Variants in TMEM132D observed in about 807,000 individuals in gnomAD.
TMEM132D encodes the protein transmembrane protein 132D.
TMEM132D carries 21 observed loss-of-function variants against 62.3 expected under a neutral mutation model. That is an observed-to-expected ratio of 0.34 (90% CI 0.24 to 0.49). TMEM132D has a LOEUF of 0.49. Among genes scored for constraint, TMEM132D ranks in the 20% least tolerant of loss-of-function variants. The pLI is 0.99. For synonymous variants in TMEM132D, 621 were observed against 575.6 expected (o/e 1.08, Z -1.13); for missense variants, 1,346 against 1,402.8 (o/e 0.96, Z 0.65).
intron 5 of TMEM132D, among the ~76,000 whole-genome samples, chr12:129,164,962 C>T (rs2135543121): frequency 6.6e-6 from 1 of 152,298 alleles, no homozygotes. Context: ...CAGCTTCAGT[C>T]ATACGAGCTA....
chr12:129,415,691 T>C (rs1352044535), intron 3 of TMEM132D, among the ~76,000 whole-genome samples: 3 of 152,162 alleles, frequency 2.0e-5, no homozygotes, highest in Non-Finnish European at 4.4e-5. Context: ...ACACCTCCTC[T>C]GCAATGATGT....
At chr12:129,544,711 A>G (rs535239652) in intron 2 of TMEM132D, among the ~76,000 whole-genome samples, 1 of 152,256 alleles carries the variant, frequency 6.6e-6, no homozygotes, top group Non-Finnish European at 1.5e-5. Flanking sequence ...GAAAGAAAAG[A>G]AATGAAAAGA....
At chr12:129,589,442 T>C (rs2137133473) in intron 2 of TMEM132D, among the ~76,000 whole-genome samples, 1 of 152,240 alleles carries the variant, frequency 6.6e-6, no homozygotes, top group Middle Eastern at 3.4e-3. Context: ...AACAGACTAA[T>C]ACATGGGGGA....
chr12:129,870,248 G>T (rs1038030686), intron 1 of TMEM132D, among the ~76,000 whole-genome samples: 4 of 152,176 alleles, frequency 2.6e-5, no homozygotes, highest in Non-Finnish European at 5.9e-5. Flanking sequence ...CTCTCAAGGT[G>T]CTGAGATTAC....
intron 1 of TMEM132D, among the ~76,000 whole-genome samples, chr12:129,749,646 G>T (rs1040395016): frequency 6.6e-6 from 1 of 150,836 alleles, no homozygotes; most frequent in South Asian, 2.1e-4. Flanking sequence ...TGTACTTTTA[G>T]TAGAGATGGT....
intron 3 of TMEM132D, among the ~76,000 whole-genome samples, chr12:129,520,011 T>C (rs1367412804): frequency 2.0e-5 from 3 of 152,178 alleles, no homozygotes; most frequent in South Asian, 2.1e-4. Context: ...AGGAATATGA[T>C]GTATGTGCAC....
intron 1 of TMEM132D, among the ~76,000 whole-genome samples, chr12:129,828,483 C>T (rs1173363067): frequency 1.3e-5 from 2 of 151,518 alleles, no homozygotes; most frequent in African/African-American, 4.9e-5. Flanking sequence ...TCACAGCAGT[C>T]TTCCTTCCCC....
intron 3 of TMEM132D, among the ~76,000 whole-genome samples, chr12:129,413,287 G>A (rs1054351871): frequency 6.6e-6 from 1 of 152,092 alleles, no homozygotes; most frequent in African/African-American, 2.4e-5. Flanking sequence ...CACAAGATCT[G>A]ATAGTTTTAT....
chr12:129,819,966 A>G (rs992924332), intron 1 of TMEM132D, among the ~76,000 whole-genome samples: 1 of 152,026 alleles, frequency 6.6e-6, no homozygotes, highest in Non-Finnish European at 1.5e-5. Context: ...CGTGGACATG[A>G]CTGCTCTCAA....
At chr12:129,622,281 T>C (rs1387296833) in intron 2 of TMEM132D, among the ~76,000 whole-genome samples, 1 of 152,206 alleles carries the variant, frequency 6.6e-6, no homozygotes, top group Non-Finnish European at 1.5e-5. Flanking sequence ...AGCTTCGGTG[T>C]GGGCGATGAC....
At chr12:129,137,139 CTATCATTGTCA>C (rs1317193955) in intron 5 of TMEM132D, among the ~76,000 whole-genome samples, 1,662 of 33,500 alleles carry the variant, frequency 0.05, 30 homozygotes, top group African/African-American at 0.085. Flanking sequence ...ATCACCATCA[CTATCATTGTCA>C]TCACTATCAC....
chr12:129,554,786 C>T (rs1377130044), intron 2 of TMEM132D, among the ~76,000 whole-genome samples: 1 of 152,130 alleles, frequency 6.6e-6, no homozygotes, highest in African/African-American at 2.4e-5. Context: ...TTAGGAGCAC[C>T]AGGTGGGTCA....
intron 2 of TMEM132D, among the ~76,000 whole-genome samples, chr12:129,635,584 A>C (rs2137170427): frequency 6.6e-6 from 1 of 152,342 alleles, no homozygotes; most frequent in East Asian, 1.9e-4. Flanking sequence ...GCTAACACTG[A>C]AACCAGCGCT....
chr12:129,143,032 C>G (rs1011103544), intron 5 of TMEM132D, among the ~76,000 whole-genome samples: 1 of 152,046 alleles, frequency 6.6e-6, no homozygotes, highest in Non-Finnish European at 1.5e-5. Flanking sequence ...ACCCCCCAAG[C>G]AGCAGACACC....
chr12:129,187,585 T>C (rs1402157266), intron 5 of TMEM132D, among the ~76,000 whole-genome samples: 1 of 132,372 alleles, frequency 7.6e-6, no homozygotes, highest in Non-Finnish European at 1.7e-5. Context: ...TGTTTTCAAA[T>C]TGTAATGGAC....
At chr12:129,448,606 T>A (rs1460588979) in intron 3 of TMEM132D, among the ~76,000 whole-genome samples, 1 of 152,230 alleles carries the variant, frequency 6.6e-6, no homozygotes, top group Non-Finnish European at 1.5e-5. Context: ...ACATGCCACA[T>A]TTTCTTTATC....
At chr12:129,441,025 C>T (rs937610515) in intron 3 of TMEM132D, among the ~76,000 whole-genome samples, 1 of 152,194 alleles carries the variant, frequency 6.6e-6, no homozygotes, top group African/African-American at 2.4e-5. Context: ...TGCTTTGATG[C>T]ATTGGGTGAC....
At position 129,071,790 on chromosome 12, in the gene TMEM132D, A is replaced by T. The variant is rs1874073879; in HGVS notation, c.*2085T>A. 6.6e-6 allele frequency: 1 copy of T among 152,246 alleles called. No homozygotes were observed. Among genetic ancestry groups the T allele is most frequent in the African/African-American group, 2.4e-5 (1 of 41,464 alleles). 9.4% of individuals were successfully genotyped at this position (152,246 alleles called of 1,614,324 possible). ...TATAAATATATATTACATTCTTACAATCTACAGTACATTCTACACGCAGAT... is the reference window on the plus strand; with the variant it reads ...TATAAATATATATTACATTCTTACATTCTACAGTACATTCTACACGCAGAT... On this transcript the variant is annotated 3_prime_UTR_variant, in exon 9 of 9. Transcript: ENST00000422113.
chr12:129,739,014 G>C (rs1291418763), intron 1 of TMEM132D, among the ~76,000 whole-genome samples: 1 of 152,188 alleles, frequency 6.6e-6, no homozygotes, highest in South Asian at 2.1e-4. Flanking sequence ...CATGGGGCCA[G>C]AGACTGTTCC....
Sources: allele counts gnomAD v4.1 joint callset (sites outside exome capture counted in the v4.1 genomes callset), GRCh38; gene constraint gnomAD v4.1.1; transcripts MANE v1.5; gene names NCBI Gene and HGNC (gene_info 2026-07-23, HGNC 2026-07-21).